GSTCD: variants seen among roughly 807,000 people sequenced by gnomAD.
The protein encoded by GSTCD is glutathione S-transferase C-terminal domain containing.
GSTCD carries 44 observed loss-of-function variants against 68.3 expected under a neutral mutation model. The ratio of observed to expected loss-of-function variants is 0.64; its 90% CI spans 0.51 to 0.83. The LOEUF is 0.83. Among genes scored for constraint, GSTCD ranks in the 40% least tolerant of loss-of-function variants. The pLI, the probability that GSTCD is intolerant of heterozygous loss-of-function variation, is 0.00. For synonymous variants in GSTCD, 273 were observed against 255.2 expected (o/e 1.07, Z -0.67); for missense variants, 739 against 735.9 (o/e 1.00, Z -0.05).
intron 5 of GSTCD, among the ~76,000 whole-genome samples, chr4:105,812,305 G>A (rs577129068): frequency 3.9e-5 from 6 of 152,156 alleles, no homozygotes; most frequent in South Asian, 2.1e-4. Context: ...TTATTTGGTC[G>A]GTTGGTTTTG....
At chr4:105,771,543 T>A (rs1013803708) in intron 5 of GSTCD, among the ~76,000 whole-genome samples, 4 of 152,186 alleles carry the variant, frequency 2.6e-5, no homozygotes, top group African/African-American at 9.7e-5. Flanking sequence ...AGTTAATTAT[T>A]GTATAAGGTG....
intron 5 of GSTCD, among the ~76,000 whole-genome samples, chr4:105,758,764 T>A (rs886350714): frequency 6.6e-6 from 1 of 152,206 alleles, no homozygotes. Flanking sequence ...TGATTTCCAG[T>A]AGGGCTTAAC....
chr4:105,835,791 C>T (rs1475406640), intron 9 of GSTCD, among the ~76,000 whole-genome samples: 1 of 152,136 alleles, frequency 6.6e-6, no homozygotes, highest in Non-Finnish European at 1.5e-5. Flanking sequence ...GGTACACAGA[C>T]AATTGGAGGA....
intron 9 of GSTCD, 94 bp downstream of exon 9, chr4:105,834,688 G>C (rs145783937): frequency 9.1e-7 from 1 of 1,102,506 alleles, no homozygotes; most frequent in African/African-American, 1.6e-5. Flanking sequence ...CTTAATTTTT[G>C]GCTCATTTCT....
intron 5 of GSTCD, among the ~76,000 whole-genome samples, chr4:105,744,302 T>G (rs1351849684): frequency 6.6e-6 from 1 of 152,222 alleles, no homozygotes; most frequent in Non-Finnish European, 1.5e-5. Context: ...TGCTATTTGG[T>G]TAAGCTTTAT....
chr4:105,816,620 C>T (rs1723007392), intron 5 of GSTCD, among the ~76,000 whole-genome samples: 1 of 151,974 alleles, frequency 6.6e-6, no homozygotes, highest in African/African-American at 2.4e-5. Flanking sequence ...AAATTTTTCC[C>T]TAAGATATAA....
rs558544298 is a variant in GSTCD, at chr4:105,826,455, T to C, written c.1530+655T>C. The stretch of plus-strand genomic sequence containing the variant: ...TATATTTGCTTTAAATAATTTTTTT[T>C]CTGATTTTGATAGGAATATACATTT... On this transcript the variant is annotated intron_variant, in intron 8 of 11. Coordinates refer to ENST00000515279, the MANE Select transcript of GSTCD (RefSeq NM_001370181.1). Among the ~76,000 whole-genome samples, 5 of 152,190 alleles carry C rather than the reference T, an allele frequency of 3.3e-5. No homozygotes were observed. In the East Asian group the frequency reaches 9.6e-4, roughly 29 times the overall value.
At position 105,834,509 on chromosome 4, in the gene GSTCD, T is replaced by G; in HGVS notation, c.1579T>G (p.Cys527Gly). ...GGCAACAGACATGGTGATTGAGCACTGTATCAAAACACGGGCTTCCTTCGT... is the reference window on the plus strand; with the variant it reads ...GGCAACAGACATGGTGATTGAGCACGGTATCAAAACACGGGCTTCCTTCGT... ...GVATDMVIEH[C>G]IKTRASFVTC... Residue 527 changes from cysteine to glycine, a missense_variant, in exon 9 of 12, where the codon TGT (cysteine) becomes GGT (glycine). Cys to Gly is a radical substitution (Grantham distance 159). Coordinates refer to ENST00000515279, the MANE Select transcript of GSTCD (RefSeq NM_001370181.1). The G allele has an allele frequency of 1.9e-6, 3 of 1,614,158 alleles. No individual in the cohort carries two copies. The highest frequency in any genetic ancestry group is 1.7e-6 in the Non-Finnish European group (2 of 1,179,988).
chr4:105,723,355 A>C (rs938017410), intron 3 of GSTCD, among the ~76,000 whole-genome samples: 5 of 151,862 alleles, frequency 3.3e-5, no homozygotes, highest in African/African-American at 1.2e-4. Context: ...TTCTGTATTC[A>C]TGTATTCAAC....
Position 105,729,434 on chromosome 4 carries a change from C to T in GSTCD, c.1175C>T (p.Pro392Leu). 3 of 1,609,278 alleles carry T rather than the reference C, an allele frequency of 1.9e-6. No homozygotes were observed. Among genetic ancestry groups the T allele is most frequent in the South Asian group, 1.1e-5 (1 of 90,244 alleles). The change falls in exon 5 of 12, where the codon CCC becomes CTC. Residue 392 changes from proline to leucine, a missense_variant. Transcript: ENST00000515279. ...AAGGGCATTGAAGTGATGTTTTCTC[C>T]CCACCCTTGCCCTACTTGGACTCTT... is the stretch of plus-strand genomic sequence containing the variant. The part of the protein sequence containing the change: ...MEKGIEVMFS[P>L]HPCPTWTLDW...
chr4:105,820,025 T>C (rs1438552112), intron 5 of GSTCD, among the ~76,000 whole-genome samples: 1 of 151,844 alleles, frequency 6.6e-6, no homozygotes. Flanking sequence ...TGTAAGATAC[T>C]TGTTATTTTA....
At chr4:105,711,691 G>C (rs938422866) in intron 1 of GSTCD, among the ~76,000 whole-genome samples, 7 of 152,218 alleles carry the variant, frequency 4.6e-5, no homozygotes, top group Non-Finnish European at 1.0e-4. Flanking sequence ...TGAGGAAACA[G>C]ATATGCAGAA....
At chr4:105,762,420 A>G (rs569433064) in intron 5 of GSTCD, among the ~76,000 whole-genome samples, 7 of 152,360 alleles carry the variant, frequency 4.6e-5, no homozygotes, top group African/African-American at 1.4e-4. Context: ...TTTAAAAGTG[A>G]TAAACACTTA....
At chr4:105,779,457 T>C (rs1735196884) in intron 5 of GSTCD, among the ~76,000 whole-genome samples, 1 of 152,196 alleles carries the variant, frequency 6.6e-6, no homozygotes, top group Non-Finnish European at 1.5e-5. Flanking sequence ...TTTTAGAATG[T>C]TTGAAAACTT....
intron 5 of GSTCD, among the ~76,000 whole-genome samples, chr4:105,762,290 C>A (rs1388092570): frequency 6.6e-6 from 1 of 152,128 alleles, no homozygotes; most frequent in African/African-American, 2.4e-5. Context: ...TGAATATATT[C>A]TAACTCATTT....
chr4:105,791,257 G>T (rs1394042223), intron 5 of GSTCD, among the ~76,000 whole-genome samples: 1 of 151,800 alleles, frequency 6.6e-6, no homozygotes, highest in East Asian at 1.9e-4. Context: ...GCCGGGCGTG[G>T]TGGTGGGCGC....
intron 5 of GSTCD, among the ~76,000 whole-genome samples, chr4:105,747,226 C>T (rs548050712): frequency 1.3e-5 from 2 of 152,378 alleles, no homozygotes; most frequent in South Asian, 4.1e-4. Flanking sequence ...CTCTCCTTTG[C>T]AGGGAATCCA....
chr4:105,788,091 G>A (rs554596087), intron 5 of GSTCD, among the ~76,000 whole-genome samples: 8 of 152,074 alleles, frequency 5.3e-5, no homozygotes, highest in African/African-American at 1.9e-4. Context: ...TTGTATTAGT[G>A]ATGATAGTGT....
At chr4:105,818,962 A>T (rs1253094153) in intron 5 of GSTCD, among the ~76,000 whole-genome samples, 1 of 151,832 alleles carries the variant, frequency 6.6e-6, no homozygotes, top group Non-Finnish European at 1.5e-5. Context: ...CTATATCCAG[A>T]ATAAAAATGA....
Sources: allele counts gnomAD v4.1 joint callset (sites outside exome capture counted in the v4.1 genomes callset), GRCh38; gene constraint gnomAD v4.1.1; transcripts MANE v1.5; gene names NCBI Gene and HGNC (gene_info 2026-07-23, HGNC 2026-07-21).